Variants in DDIAS observed in about 807,000 individuals in gnomAD.
The protein encoded by DDIAS is DNA damage induced apoptosis suppressor.
DDIAS carries 14 observed loss-of-function variants against 15.7 expected under a neutral mutation model. That is an observed-to-expected ratio of 0.89 (90% CI 0.59 to 1.39). DDIAS has a LOEUF of 1.39. Among genes scored for constraint, DDIAS ranks in the 40% most tolerant of loss-of-function variants. The pLI, the probability that DDIAS is intolerant of heterozygous loss-of-function variation, is 0.00. For synonymous variants in DDIAS, 355 were observed against 395.9 expected (o/e 0.90, Z 1.23); for missense variants, 1,035 against 1,130.9 (o/e 0.92, Z 1.22).
intron 4 of DDIAS, 130 bp downstream of exon 4, chr11:82,929,068 A>G (rs1229764006): frequency 1.0e-6 from 1 of 1,003,042 alleles, no homozygotes; most frequent in African/African-American, 1.7e-5. Context: ...TTAAAAGACA[A>G]GCAAGTAAGA....
At chr11:82,908,334 G>T (rs1860469530) in intron 1 of DDIAS, among the ~76,000 whole-genome samples, 1 of 152,200 alleles carries the variant, frequency 6.6e-6, no homozygotes, top group Non-Finnish European at 1.5e-5. Context: ...ATGACCCAGG[G>T]CTGCACAGAC....
At position 82,934,604 on chromosome 11, in the gene DDIAS, TTAA is replaced by T. The variant is rs1861081818; in HGVS notation, c.*271_*273del. ...ATTGTTAAGATTGTTTTTGAAAGTA[TTAA>T]TGTTTGTTAAAATCACATATACATC... On this transcript the variant is annotated 3_prime_UTR_variant, in exon 6 of 6. Transcript: ENST00000533655. The T allele has an allele frequency of 6.6e-6, 2 of 305,186 alleles. No individual in the cohort carries two copies. The highest frequency in any genetic ancestry group is 1.2e-5 in the Non-Finnish European group (2 of 169,448). 18.9% of individuals were successfully genotyped at this position (305,186 alleles called of 1,614,324 possible). A position where few individuals can be genotyped will look rare whatever the true frequency, so the allele number is the denominator to read the frequency against.
At chr11:82,914,202 T>C in intron 2 of DDIAS, 1 of 257,894 alleles carries the variant, frequency 3.9e-6, no homozygotes, top group Non-Finnish European at 7.7e-6. Context: ...CCCAAAGTGC[T>C]GGGATTACAG....
chr11:82,903,344 T>A (rs1860362543), intron 1 of DDIAS, among the ~76,000 whole-genome samples: 5 of 152,148 alleles, frequency 3.3e-5, no homozygotes, highest in Admixed American at 3.3e-4. Flanking sequence ...ATGAGTGTGA[T>A]GTGGGATATG....
chr11:82,907,011 A>C (rs1244319195), intron 1 of DDIAS, among the ~76,000 whole-genome samples: 1 of 152,200 alleles, frequency 6.6e-6, no homozygotes, highest in African/African-American at 2.4e-5. Context: ...AGGAAAAACA[A>C]GCCATATTGA....
intron 1 of DDIAS, among the ~76,000 whole-genome samples, chr11:82,911,655 G>A (rs1289654384): frequency 1.3e-5 from 2 of 152,176 alleles, no homozygotes; most frequent in Non-Finnish European, 2.9e-5. Context: ...ACTCCAATTA[G>A]TGTGGATATT....
intron 1 of DDIAS, among the ~76,000 whole-genome samples, chr11:82,902,719 C>G (rs1860346506): frequency 6.6e-6 from 1 of 152,230 alleles, no homozygotes; most frequent in African/African-American, 2.4e-5. Flanking sequence ...CTGGCTAATT[C>G]TTAGTCAGTT....
At chr11:82,910,016 T>C (rs1860495996) in intron 1 of DDIAS, among the ~76,000 whole-genome samples, 1 of 152,228 alleles carries the variant, frequency 6.6e-6, no homozygotes, top group South Asian at 2.1e-4. Context: ...TCTATGTTTG[T>C]CATCATCTTT....
intron 5 of DDIAS, 30 bp from the exon 6 acceptor site, chr11:82,931,702 C>G (rs1290927003): frequency 4.6e-6 from 7 of 1,533,702 alleles, no homozygotes; most frequent in Non-Finnish European, 5.3e-6. Flanking sequence ...CAATTTTATT[C>G]TTACTTAAAT....
intron 4 of DDIAS, among the ~76,000 whole-genome samples, 198 bp from the exon 5 acceptor site, chr11:82,929,959 C>G (rs2127363): frequency 1.3e-5 from 2 of 151,814 alleles, no homozygotes; most frequent in Non-Finnish European, 2.9e-5. Context: ...TACTTTACTC[C>G]CACTTGATCA....
chr11:82,926,235 G>T (rs1590809423), intron 3 of DDIAS, among the ~76,000 whole-genome samples: 1 of 151,750 alleles, frequency 6.6e-6, no homozygotes, highest in South Asian at 2.1e-4. Flanking sequence ...GACTACAGGC[G>T]CATGCCACCA....
chr11:82,907,181 A>C (rs1860447581), intron 1 of DDIAS, among the ~76,000 whole-genome samples: 1 of 152,234 alleles, frequency 6.6e-6, no homozygotes, highest in South Asian at 2.1e-4. Context: ...GAAAAAAGCA[A>C]AGGCATAGAA....
intron 5 of DDIAS, among the ~76,000 whole-genome samples, 160 bp from the exon 6 acceptor site, chr11:82,931,572 G>C (rs556381637): frequency 1.3e-5 from 2 of 152,070 alleles, no homozygotes; most frequent in Non-Finnish European, 2.9e-5. Context: ...TGCCCAGTCT[G>C]GTCTCAAACT....
At chr11:82,902,386 C>A (rs1434051552) in intron 1 of DDIAS, among the ~76,000 whole-genome samples, 1 of 150,142 alleles carries the variant, frequency 6.7e-6, no homozygotes, top group Non-Finnish European at 1.5e-5. Flanking sequence ...GTGACAGTAA[C>A]CCCCCCCTCC....
In DDIAS at chr11:82,914,805, C is replaced by T. The variant is rs1462881391; in HGVS notation, c.67C>T (p.Pro23Ser). The T allele has an allele frequency of 6.2e-7, 1 of 1,610,508 alleles. No individual in the cohort carries two copies. The highest frequency in any genetic ancestry group is 1.1e-5 in the South Asian group (1 of 90,924). The change falls in exon 3 of 6, where the codon CCA becomes TCA. Residue 23 changes from proline to serine, a missense_variant. Transcript: ENST00000533655. Reference protein sequence around the residue: ...LALQNSSFIYPSCQKCFSRII... With the variant: ...LALQNSSFIYSSCQKCFSRII... ...TCTCCAGAATTCAAGTTTTATATAT[C>T]CATCATGTCAGAAGTGCTTCTCTAG...
At chr11:82,916,196 C>T (rs1860630050) in intron 3 of DDIAS, among the ~76,000 whole-genome samples, 1 of 152,024 alleles carries the variant, frequency 6.6e-6, no homozygotes, top group Non-Finnish European at 1.5e-5. Flanking sequence ...ATCATGGTAC[C>T]CACAATATGG....
rs757711804 is a variant in DDIAS at position 82,933,852 on chromosome 11, T to C, written c.2514T>C (p.Ile838=). Residue 838 remains isoleucine (I), a synonymous_variant, in exon 6 of 6, where the codon ATT becomes ATC. Coordinates refer to ENST00000533655, the MANE Select transcript of DDIAS (RefSeq NM_145018.4). ...CTAGCCAGAAAATCAGAAGCCCTAT[T>C]GTATCTGGTGTTTCACAACCAGACG... ...KTPSQKIRSP[I]VSGVSQPDVF... is the part of the protein sequence containing the mutation. 6.2e-7 allele frequency: 1 copy of C among 1,614,118 alleles called. No individual in the cohort carries two copies. Among genetic ancestry groups the C allele is most frequent in the East Asian group, 2.2e-5 (1 of 44,880 alleles).
At chr11:82,924,765 A>G (rs944724899) in intron 3 of DDIAS, among the ~76,000 whole-genome samples, 3 of 152,146 alleles carry the variant, frequency 2.0e-5, no homozygotes, top group Non-Finnish European at 4.4e-5. Flanking sequence ...CAGTGAGCCA[A>G]GATCATACCG....
At chr11:82,930,020 G>T (rs1469296916) in intron 4 of DDIAS, 137 bp from the exon 5 acceptor site, 5 of 561,398 alleles carry the variant, frequency 8.9e-6, no homozygotes, top group Non-Finnish European at 1.5e-5. Flanking sequence ...AGAACAAACT[G>T]CCTGGCTCTT....
Sources: allele counts gnomAD v4.1 joint callset (sites outside exome capture counted in the v4.1 genomes callset), GRCh38; gene constraint gnomAD v4.1.1; transcripts MANE v1.5; gene names NCBI Gene and HGNC (gene_info 2026-07-23, HGNC 2026-07-21).